The following AIM2 variants were observed in gnomAD, a reference collection of about 807,000 sequenced individuals.
AIM2 encodes the protein absent in melanoma 2.
Under a neutral mutation model 27.7 loss-of-function variants are expected in AIM2, and 30 were observed. That is an observed-to-expected ratio of 1.08 (90% CI 0.81 to 1.47). The LOEUF (loss-of-function observed/expected upper bound fraction) is 1.47, where lower values mean the gene tolerates loss of function less well. Ranked by LOEUF, AIM2 falls within the 40% of genes most tolerant of loss-of-function variation. The pLI, the probability that AIM2 is intolerant of heterozygous loss-of-function variation, is 0.00. For synonymous variants in AIM2, 141 were observed against 145.3 expected, an observed-to-expected ratio of 0.97 and a Z score of 0.21; for missense variants, 358 against 411.3, an observed-to-expected ratio of 0.87 and a Z score of 1.12.
rs146060898 is a variant in AIM2, at chr1:159,120,506, G to A, written c.-16+19925C>T. ...TCTTTTGCTCCTAAACTGTCGTCTC[G>A]TGCCACAGAGCTGGCTGTCAAAAAC... On this transcript the variant is annotated intron_variant, in intron 1 of 2. Coordinates refer to the AIM2 transcript ENST00000368129. 2.6e-3 allele frequency among the ~76,000 whole-genome samples: 390 copies of A among 152,180 alleles called. 4 individuals are homozygous for A. The highest frequency in any genetic ancestry group is 8.9e-3 in the African/African-American group (368 of 41,510).
At position 159,128,280 on chromosome 1, in the gene AIM2, C is replaced by A. The variant is rs536818637; in HGVS notation, c.-16+12151G>T. Among the ~76,000 whole-genome samples the A allele has an allele frequency of 1.8e-4, 27 of 151,934 alleles. No homozygotes were observed. In the South Asian group the frequency reaches 5.6e-3, roughly 32 times the overall value. The stretch of plus-strand genomic sequence containing the variant: ...AGGCTTACACACACACACACACACA[C>A]ACACACACACCACCCCAAGCCCTGC... On this transcript the variant is annotated intron_variant, in intron 1 of 2. Coordinates refer to the AIM2 transcript ENST00000368129.
chr1:159,106,215 G>C (rs941773873), intron 1 of AIM2, among the ~76,000 whole-genome samples: 2 of 152,186 alleles, frequency 1.3e-5, no homozygotes, highest in African/African-American at 4.8e-5. Flanking sequence ...GCCATGCCCA[G>C]GGAGTGCCGG....
At chr1:159,114,137 G>A (rs763408956) in intron 1 of AIM2, among the ~76,000 whole-genome samples, 11 of 152,186 alleles carry the variant, frequency 7.2e-5, no homozygotes, top group Non-Finnish European at 5.9e-5. Flanking sequence ...TCACAACTTA[G>A]AGTAGTGGAC....
At chr1:159,100,322 AATG>A (rs1657285168) in intron 1 of AIM2, among the ~76,000 whole-genome samples, 1 of 152,224 alleles carries the variant, frequency 6.6e-6, no homozygotes. Flanking sequence ...TGTGTTGGGA[AATG>A]ATTTTTTTAA....
chr1:159,083,453 C>T (rs1656828381), intron 1 of AIM2, among the ~76,000 whole-genome samples: 1 of 152,092 alleles, frequency 6.6e-6, no homozygotes, highest in South Asian at 2.1e-4. Flanking sequence ...AGGCAGGGGA[C>T]TACTCTTTAT....
chr1:159,069,462 T>C (rs1656257070), intron 2 of AIM2, among the ~76,000 whole-genome samples: 1 of 152,060 alleles, frequency 6.6e-6, no homozygotes, highest in Non-Finnish European at 1.5e-5. Context: ...AGTTTATGTG[T>C]ATATGTAATT....
intron 1 of AIM2, among the ~76,000 whole-genome samples, chr1:159,090,913 G>C (rs1273524984): frequency 6.6e-6 from 1 of 151,238 alleles, no homozygotes; most frequent in Non-Finnish European, 1.5e-5. Flanking sequence ...GAGTTTCAAA[G>C]ATTCCACCTC....
intron 1 of AIM2, among the ~76,000 whole-genome samples, chr1:159,114,268 C>T (rs1647270243): frequency 6.6e-6 from 1 of 152,148 alleles, no homozygotes; most frequent in African/African-American, 2.4e-5. Context: ...GGGGAAAACA[C>T]ATGAGTACAA....
chr1:159,117,231 GAA>G (rs1647382332), intron 1 of AIM2, among the ~76,000 whole-genome samples: 1 of 152,106 alleles, frequency 6.6e-6, no homozygotes, highest in South Asian at 2.1e-4. Flanking sequence ...GCACGAGAGA[GAA>G]AGACACAGAG....
rs200035647 is a variant in AIM2 at position 159,063,491 on chromosome 1, T to C, written c.1000A>G (p.Ile334Val). 6 of 1,611,886 alleles carry C rather than the reference T, an allele frequency of 3.7e-6. No homozygotes were observed. The highest frequency in any genetic ancestry group is 2.2e-5 in the East Asian group (1 of 44,864). ...TTGTTCCATGCAGTTCCCACCTTTA[T>C]GGTGCTATGAACTCCAGATGTCAGC... ...LQLTSGVHST[I>V]KVIKAKKKT The change falls in exon 5 of 6, where the codon ATA (isoleucine) becomes GTA (valine). Residue 334 changes from isoleucine to valine, a missense_variant. Transcript: ENST00000368130.
At chr1:159,114,104 T>C (rs753232937) in intron 1 of AIM2, among the ~76,000 whole-genome samples, 1 of 152,180 alleles carries the variant, frequency 6.6e-6, no homozygotes, top group Non-Finnish European at 1.5e-5. Flanking sequence ...GCTCTTCCTT[T>C]GTTTCCCAGA....
At chr1:159,090,315 CT>C (rs1657016665) in intron 1 of AIM2, among the ~76,000 whole-genome samples, 1 of 152,222 alleles carries the variant, frequency 6.6e-6, no homozygotes, top group Non-Finnish European at 1.5e-5. Context: ...AATACTGTCA[CT>C]TTAAATAAAG....
intron 2 of AIM2, 34 bp downstream of exon 2, chr1:159,073,204 A>C (rs1402597731): frequency 6.2e-7 from 1 of 1,610,476 alleles, no homozygotes; most frequent in South Asian, 1.1e-5. Flanking sequence ...TTGGCAGAAA[A>C]AGGGACGGGG....
chr1:159,064,602 A>T (rs1262091784), intron 4 of AIM2, among the ~76,000 whole-genome samples: 1 of 152,160 alleles, frequency 6.6e-6, no homozygotes. Flanking sequence ...AGTAGCTGGG[A>T]TTATAGGTGT....
At chr1:159,081,025 T>C (rs1361342899), upstream of AIM2, 1 of 161,064 alleles carries the variant, frequency 6.2e-6, no homozygotes, top group Non-Finnish European at 1.4e-5. Context: ...TCTCCATGCA[T>C]CTTCTCTACA....
chr1:159,055,340 G>A, the AIM2 span, among the ~76,000 whole-genome samples: 1 of 152,158 alleles, frequency 6.6e-6, no homozygotes, highest in Non-Finnish European at 1.5e-5. Flanking sequence ...AAGAAACCAG[G>A]CTAAAGGGAT....
At chr1:159,110,426 T>C (rs1384760156) in intron 1 of AIM2, among the ~76,000 whole-genome samples, 1 of 152,200 alleles carries the variant, frequency 6.6e-6, no homozygotes, top group Non-Finnish European at 1.5e-5. Flanking sequence ...ACTGATGTTT[T>C]AAAAAATTCT....
intron 1 of AIM2, among the ~76,000 whole-genome samples, chr1:159,110,454 G>A (rs945411933): frequency 3.9e-5 from 6 of 152,096 alleles, no homozygotes; most frequent in Non-Finnish European, 7.4e-5. Context: ...TAGAAGCACC[G>A]CTAGGTACAA....
Position 159,065,809 on chromosome 1 carries a change from T to G in AIM2, c.816+101A>C, listed in dbSNP as rs137896369. 2.3e-5 allele frequency: 28 copies of G among 1,243,024 alleles called. No individual in the cohort carries two copies. The East Asian group carries it at 7.0e-4, about 31-fold the overall frequency. 77.0% of individuals were successfully genotyped at this position (1,243,024 alleles called of 1,614,324 possible). ...GAACTTTGTATTTTTTTATTTTGTCTATATAGAAAGACATTAAAACCATTT... is the reference window on the plus strand; with the variant it reads ...GAACTTTGTATTTTTTTATTTTGTCGATATAGAAAGACATTAAAACCATTT... On this transcript the variant is annotated intron_variant, in intron 4 of 5. Coordinates refer to ENST00000368130, the MANE Select transcript of AIM2 (RefSeq NM_004833.3).
Sources: gnomAD v4.1 joint callset for allele counts (sites outside exome capture counted in the v4.1 genomes callset) on GRCh38, gnomAD v4.1.1 for gene constraint, MANE v1.5 for transcripts, NCBI Gene and HGNC (gene_info 2026-07-23, HGNC 2026-07-21) for gene names.